The following S100A10 variants were observed in gnomAD, a reference collection of about 807,000 sequenced individuals.
S100A10 encodes the protein S100 calcium binding protein A10.
S100A10 carries 3 observed loss-of-function variants against 7.1 expected under a neutral mutation model. That is an observed-to-expected ratio of 0.42 (90% CI 0.19 to 1.10). The LOEUF is 1.10. Ranked by LOEUF, S100A10 falls within the 50% of genes least tolerant of loss-of-function variation. The pLI is 0.29. For synonymous variants in S100A10, 41 were observed against 39.3 expected (o/e 1.04, Z -0.16); for missense variants, 101 against 118.1 (o/e 0.86, Z 0.67).
chr1:151,988,471 A>G (rs1655842264), intron 1 of S100A10, among the ~76,000 whole-genome samples: 1 of 151,992 alleles, frequency 6.6e-6, no homozygotes, highest in South Asian at 2.1e-4. Context: ...CTCAAATGCT[A>G]TCTTTTACAG....
chr1:151,986,908 T>C (rs564897827), intron 1 of S100A10, among the ~76,000 whole-genome samples: 7 of 151,996 alleles, frequency 4.6e-5, no homozygotes, highest in African/African-American at 1.2e-4. Context: ...TTGGTAGAAA[T>C]AGACACCTCA....
chr1:151,989,779 C>T (rs918071265), intron 1 of S100A10, among the ~76,000 whole-genome samples: 7 of 152,314 alleles, frequency 4.6e-5, no homozygotes, highest in East Asian at 1.9e-4. Context: ...TCAGGGACTT[C>T]AATCTGGCAT....
At chr1:151,984,833 G>A (rs1377634481) in intron 2 of S100A10, among the ~76,000 whole-genome samples, 1 of 152,150 alleles carries the variant, frequency 6.6e-6, no homozygotes, top group Non-Finnish European at 1.5e-5. Context: ...TTTTACAGGG[G>A]AGGAAACTGA....
At chr1:151,986,374 T>C in intron 1 of S100A10, 123 bp from the exon 2 acceptor site, 1 of 687,354 alleles carries the variant, frequency 1.5e-6, no homozygotes. Flanking sequence ...AACATGATGT[T>C]TTCAGGTATA....
intron 1 of S100A10, among the ~76,000 whole-genome samples, chr1:151,987,682 G>C (rs1285650417): frequency 1.3e-5 from 2 of 151,688 alleles, no homozygotes; most frequent in Non-Finnish European, 2.9e-5. Flanking sequence ...TGGGACTACA[G>C]GTGCCCGCCA....
chr1:151,987,664 C>G lies in S100A10; in HGVS notation c.-21-1413G>C, dbSNP rs1004892189. Among the ~76,000 whole-genome samples, 3 of 151,830 alleles carry G rather than the reference C, an allele frequency of 2.0e-5. No homozygotes were observed. The South Asian group carries it at 6.2e-4, about 32-fold the overall frequency. On this transcript the variant is annotated intron_variant, in intron 1 of 2. Transcript: ENST00000368811. The stretch of plus-strand genomic sequence containing the variant: ...ACGGCATTCTCCTGCCTCAGCCTCC[C>G]GAGTAGCTGGGACTACAGGTGCCCG...
chr1:151,992,133 G>A lies in S100A10; in HGVS notation c.-22+1619C>T, dbSNP rs533063277. ...ACTGGATAGGAATCTGTGGGGGCAG[G>A]GCCGATGAAGAAACTTCCAATAAGT... On this transcript the variant is annotated intron_variant, in intron 1 of 2. Transcript: ENST00000368811. Among the ~76,000 whole-genome samples the A allele has an allele frequency of 6.0e-4, 91 of 152,194 alleles. 2 individuals are homozygous for A. The highest frequency in any genetic ancestry group is 2.1e-4 in the South Asian group (1 of 4,824).
At chr1:151,990,589 G>A (rs557231260) in intron 1 of S100A10, among the ~76,000 whole-genome samples, 3 of 152,168 alleles carry the variant, frequency 2.0e-5, no homozygotes, top group Non-Finnish European at 2.9e-5. Context: ...AGTTACCTTA[G>A]GAGGAATTCA....
In S100A10 at chr1:151,985,500, A is replaced by G. The variant is rs146442284; in HGVS notation, c.132+599T>C. Among the ~76,000 whole-genome samples the G allele has an allele frequency of 6.0e-5, 8 of 133,800 alleles. No homozygotes were observed. The East Asian group carries it at 1.9e-3, about 31-fold the overall frequency. The allele number at this position is 133,800 out of a possible 152,430, so 87.8% of individuals were successfully genotyped here. On this transcript the variant is annotated intron_variant, in intron 2 of 2. Coordinates refer to ENST00000368811, the MANE Select transcript of S100A10 (RefSeq NM_002966.3). ...GCTGTCAGAGCATTATTATGTGAAAAGCAGTTATTTCTGGAGTGATATGTG... is the reference window on the plus strand; with the variant it reads ...GCTGTCAGAGCATTATTATGTGAAAGGCAGTTATTTCTGGAGTGATATGTG...
chr1:151,990,289 A>C (rs1655879034), intron 1 of S100A10, among the ~76,000 whole-genome samples: 1 of 152,266 alleles, frequency 6.6e-6, no homozygotes, highest in Non-Finnish European at 1.5e-5. Context: ...AAACAGGTCT[A>C]GTCAGAATGA....
At chr1:151,989,555 G>T (rs1464148611) in intron 1 of S100A10, among the ~76,000 whole-genome samples, 1 of 152,214 alleles carries the variant, frequency 6.6e-6, no homozygotes, top group African/African-American at 2.4e-5. Context: ...TGGGGAAGGA[G>T]TTGCACACTG....
rs386368314 is a variant in S100A10 at position 151,987,027 on chromosome 1, CTTTTTTTTT to C, written c.-21-785_-21-777del. ...TTAGAAAAGCAACATCAGTGTTCCT[CTTTTTTTTT>C]TTTTTTTTTTTTTTTTTGAGACGGA... On this transcript the variant is annotated intron_variant, in intron 1 of 2. Transcript: ENST00000368811. 1.8e-4 allele frequency among the ~76,000 whole-genome samples: 15 copies of C among 83,550 alleles called. 1 individual carries two copies. Among genetic ancestry groups the C allele is most frequent in the East Asian group, 8.3e-4 (2 of 2,408 alleles). The allele number at this position is 83,550 out of a possible 152,430, so 54.8% of individuals were successfully genotyped here.
chr1:151,985,454 A>G (rs1281230179), intron 2 of S100A10: 1 of 152,272 alleles, frequency 6.6e-6, no homozygotes. Flanking sequence ...AAGGTGAGAC[A>G]TAAATTCAAA....
chr1:151,990,162 G>A (rs1410953449), intron 1 of S100A10, among the ~76,000 whole-genome samples: 2 of 152,222 alleles, frequency 1.3e-5, no homozygotes, highest in Non-Finnish European at 2.9e-5. Flanking sequence ...AGGACGATGT[G>A]AGAGCTGGGA....
chr1:151,983,083 G>A lies in S100A10; in HGVS notation c.*80C>T. 2.1e-6 allele frequency: 2 copies of A among 963,926 alleles called. No individual in the cohort carries two copies. Among genetic ancestry groups the A allele is most frequent in the East Asian group, 2.7e-5 (1 of 37,618 alleles). 59.7% of individuals were successfully genotyped at this position (963,926 alleles called of 1,614,324 possible). The stretch of plus-strand genomic sequence containing the variant: ...TGATCTGCTCATGAAATCCTTCTAT[G>A]GGGGAAGCTGTGGGGCAGATTCCTT... On this transcript the variant is annotated 3_prime_UTR_variant, in exon 3 of 3. Transcript: ENST00000368811.
chr1:151,984,446 G>A (rs1397471760), intron 2 of S100A10, among the ~76,000 whole-genome samples: 3 of 152,180 alleles, frequency 2.0e-5, no homozygotes, highest in Admixed American at 2.0e-4. Context: ...GTCAGAATGA[G>A]TGAAATCTGG....
At chr1:151,988,226 G>A (rs933752444) in intron 1 of S100A10, among the ~76,000 whole-genome samples, 26 of 152,320 alleles carry the variant, frequency 1.7e-4, no homozygotes, top group Middle Eastern at 3.4e-3. Context: ...ATCATTTGGC[G>A]AGAACAGATA....
At chr1:151,986,890 G>A (rs1329184803) in intron 1 of S100A10, among the ~76,000 whole-genome samples, 2 of 152,078 alleles carry the variant, frequency 1.3e-5, no homozygotes, top group Non-Finnish European at 2.9e-5. Context: ...CCCAGTTTGG[G>A]TCCCTTGTTG....
chr1:151,987,543 T>C (rs1299167975), intron 1 of S100A10, among the ~76,000 whole-genome samples: 2 of 146,656 alleles, frequency 1.4e-5, no homozygotes, highest in African/African-American at 5.0e-5. Context: ...GTATTCTTTT[T>C]TTTTTTTTTT....
Sources: allele counts gnomAD v4.1 joint callset (sites outside exome capture counted in the v4.1 genomes callset), GRCh38; gene constraint gnomAD v4.1.1; transcripts MANE v1.5; gene names NCBI Gene and HGNC (gene_info 2026-07-23, HGNC 2026-07-21).